RBFOX1: variants seen among roughly 807,000 people sequenced by gnomAD.
The protein encoded by RBFOX1 is RNA binding protein fox-1 homolog 1.
A neutral mutation model predicts 57.7 loss-of-function variants in RBFOX1; 8 were observed. The ratio of observed to expected loss-of-function variants is 0.14; its 90% CI spans 0.08 to 0.25. The LOEUF (loss-of-function observed/expected upper bound fraction) is 0.25, where lower values mean the gene tolerates loss of function less well. Among genes scored for constraint, RBFOX1 ranks in the 10% least tolerant of loss-of-function variants. The probability of loss-of-function intolerance (pLI) is 1.00; values close to 1 mark genes in which losing one functional copy is unlikely to be tolerated. For synonymous variants in RBFOX1, 326 were observed against 222.4 expected, an observed-to-expected ratio of 1.47 and a Z score of -4.15; for missense variants, 611 against 548.5, an observed-to-expected ratio of 1.11 and a Z score of -1.14.
chr16:6,359,805 A>T (rs969907304), intron 2 of RBFOX1, among the ~76,000 whole-genome samples: 1 of 152,180 alleles, frequency 6.6e-6, no homozygotes, highest in Admixed American at 6.5e-5. Context: ...GCATCATCTA[A>T]GTCAAAAAAA....
intron 3 of RBFOX1, among the ~76,000 whole-genome samples, chr16:6,851,642 T>C (rs1239926546): frequency 6.6e-6 from 1 of 152,170 alleles, no homozygotes; most frequent in Admixed American, 6.6e-5. Flanking sequence ...CCTCCTGTTG[T>C]CAGGGAAAGA....
At chr16:7,123,033 C>T (rs757264127) in intron 4 of RBFOX1, among the ~76,000 whole-genome samples, 1 of 150,760 alleles carries the variant, frequency 6.6e-6, no homozygotes, top group African/African-American at 2.4e-5. Flanking sequence ...CAGGGGCTGC[C>T]AGGGATTAGG....
At chr16:6,011,452 C>T (rs886409673) in intron 4 of RBFOX1, among the ~76,000 whole-genome samples, 1 of 151,814 alleles carries the variant, frequency 6.6e-6, no homozygotes, top group Non-Finnish European at 1.5e-5. Flanking sequence ...GATTTAAAAA[C>T]GAAGTCTTGA....
chr16:6,209,524 T>A (rs1489713257), intron 1 of RBFOX1, among the ~76,000 whole-genome samples: 1 of 152,224 alleles, frequency 6.6e-6, no homozygotes, highest in Non-Finnish European at 1.5e-5. Flanking sequence ...AAGCAGGCAA[T>A]TTGCAGATAA....
At chr16:5,833,551 C>G (rs978943736) in intron 3 of RBFOX1, among the ~76,000 whole-genome samples, 5 of 150,024 alleles carry the variant, frequency 3.3e-5, no homozygotes, top group Admixed American at 1.3e-4. Context: ...GGAAAGGAGG[C>G]AGTCCATTTT....
intron 3 of RBFOX1, among the ~76,000 whole-genome samples, chr16:6,790,296 T>G (rs953106040): frequency 6.6e-6 from 1 of 151,890 alleles, no homozygotes; most frequent in Non-Finnish European, 1.5e-5. Flanking sequence ...GCCATTCTCC[T>G]GCCTCAGCTT....
chr16:6,782,408 T>C (rs1032823899), intron 3 of RBFOX1, among the ~76,000 whole-genome samples: 12 of 152,032 alleles, frequency 7.9e-5, no homozygotes, highest in Non-Finnish European at 1.8e-4. Context: ...CATCCAGTAG[T>C]TATTCAGGAG....
intron 4 of RBFOX1, among the ~76,000 whole-genome samples, chr16:7,511,376 C>G (rs1009852113): frequency 2.6e-5 from 4 of 152,116 alleles, no homozygotes; most frequent in African/African-American, 4.8e-5. Context: ...ACGACAACAA[C>G]AAAACTCTCT....
At chr16:5,988,199 C>G (rs1444747656) in intron 4 of RBFOX1, among the ~76,000 whole-genome samples, 1 of 152,198 alleles carries the variant, frequency 6.6e-6, no homozygotes. Flanking sequence ...TATGAAATAT[C>G]TGTTCATCAT....
chr16:6,386,428 G>A (rs1468857938), intron 2 of RBFOX1, among the ~76,000 whole-genome samples: 1 of 152,192 alleles, frequency 6.6e-6, no homozygotes. Context: ...GCATGAGGGA[G>A]TCTTTGTCCT....
At chr16:6,193,481 A>G (rs1056477555) in intron 1 of RBFOX1, among the ~76,000 whole-genome samples, 10 of 144,154 alleles carry the variant, frequency 6.9e-5, no homozygotes, top group African/African-American at 2.5e-4. Context: ...AGAGTTGGAT[A>G]GACATTATCA....
chr16:6,730,199 A>T (rs897430460), intron 3 of RBFOX1, among the ~76,000 whole-genome samples: 1 of 152,146 alleles, frequency 6.6e-6, no homozygotes, highest in African/African-American at 2.4e-5. Flanking sequence ...AGAGGAGGGG[A>T]CATAGGAACA....
intron 1 of RBFOX1, among the ~76,000 whole-genome samples, chr16:5,450,213 T>G (rs1429426917): frequency 6.6e-6 from 1 of 152,200 alleles, no homozygotes; most frequent in Non-Finnish European, 1.5e-5. Context: ...CATTGCACCT[T>G]CAATTCTGTC....
chr16:7,509,069 G>A (rs950308981), intron 4 of RBFOX1, among the ~76,000 whole-genome samples: 1 of 152,204 alleles, frequency 6.6e-6, no homozygotes, highest in Admixed American at 6.5e-5. Context: ...GCTGCCTTTG[G>A]CATTGATGTG....
intron 2 of RBFOX1, among the ~76,000 whole-genome samples, chr16:6,403,377 T>A (rs919290149): frequency 9.2e-5 from 14 of 152,130 alleles, no homozygotes; most frequent in Admixed American, 7.9e-4. Context: ...AGACTTTTTT[T>A]TTAAATAGAG....
rs1210463080 is a variant in RBFOX1 at position 6,549,102 on chromosome 16, G to A, written c.-63-105501G>A. On this transcript the variant is annotated intron_variant, in intron 2 of 15. Transcript: ENST00000550418. The stretch of plus-strand genomic sequence containing the variant: ...AAAAAGGGAGGAGGGAAGAGGAGGC[G>A]GGGAGGAAAGAGAAGGAAGAGGGGA... Among the ~76,000 whole-genome samples, 5 of 114,450 alleles carry A rather than the reference G, an allele frequency of 4.4e-5. 1 individual carries two copies. Among genetic ancestry groups the A allele is most frequent in the Admixed American group, 1.9e-4 (2 of 10,480 alleles). The allele number at this position is 114,450 out of a possible 152,430, so 75.1% of individuals were successfully genotyped here. A position where few individuals can be genotyped will look rare whatever the true frequency, so the allele number is the denominator to read the frequency against.
intron 3 of RBFOX1, among the ~76,000 whole-genome samples, chr16:6,957,268 A>C (rs1035966277): frequency 1.3e-5 from 2 of 151,778 alleles, no homozygotes; most frequent in Non-Finnish European, 2.9e-5. Flanking sequence ...AGTAGCTGGG[A>C]CTACAGGTGC....
intron 2 of RBFOX1, among the ~76,000 whole-genome samples, chr16:6,621,359 G>A (rs1291779690): frequency 2.0e-5 from 3 of 152,330 alleles, no homozygotes; most frequent in Middle Eastern, 6.8e-3. Flanking sequence ...AGCTACTCGG[G>A]AGGCTGAGGC....
intron 1 of RBFOX1, among the ~76,000 whole-genome samples, chr16:5,447,403 T>G (rs1236772127): frequency 6.6e-6 from 1 of 151,708 alleles, no homozygotes; most frequent in Non-Finnish European, 1.5e-5. Flanking sequence ...TCTCTCTCTC[T>G]CTCTCTCGAC....
Sources: gnomAD v4.1 joint callset for allele counts (sites outside exome capture counted in the v4.1 genomes callset) on GRCh38, gnomAD v4.1.1 for gene constraint, MANE v1.5 for transcripts, NCBI Gene and HGNC (gene_info 2026-07-23, HGNC 2026-07-21) for gene names.